The following NDST4 variants were observed in gnomAD, a reference collection of about 807,000 sequenced individuals.
NDST4 encodes the protein N-heparan sulfate sulfotransferase 4.
A neutral mutation model predicts 100.8 loss-of-function variants in NDST4; 63 were observed. That is an observed-to-expected ratio of 0.62 (90% CI 0.51 to 0.77). The LOEUF is 0.77. Among genes scored for constraint, NDST4 ranks in the 30% least tolerant of loss-of-function variants. The pLI is 0.00. For synonymous variants in NDST4, 377 were observed against 361.8 expected (o/e 1.04, Z -0.48); for missense variants, 943 against 1,018.4 (o/e 0.93, Z 1.01).
intron 7 of NDST4, among the ~76,000 whole-genome samples, chr4:114,861,366 G>A (rs1252219770): frequency 6.6e-6 from 1 of 152,176 alleles, no homozygotes. Flanking sequence ...AGCATTATAT[G>A]TTATTTAAAA....
At chr4:114,985,877 T>G (rs1726888870) in intron 2 of NDST4, among the ~76,000 whole-genome samples, 1 of 152,130 alleles carries the variant, frequency 6.6e-6, no homozygotes, top group Admixed American at 6.6e-5. Context: ...ACAGACCAGT[T>G]ATGCCTAAAA....
chr4:115,038,310 T>A (rs529004348), intron 2 of NDST4, among the ~76,000 whole-genome samples: 7 of 152,288 alleles, frequency 4.6e-5, no homozygotes, highest in Admixed American at 1.3e-4. Flanking sequence ...ATTAGATTTG[T>A]TCTTAACTTT....
intron 7 of NDST4, among the ~76,000 whole-genome samples, chr4:114,858,170 C>G (rs1331942384): frequency 6.6e-6 from 1 of 152,172 alleles, no homozygotes; most frequent in Non-Finnish European, 1.5e-5. Flanking sequence ...ACAGCAAATA[C>G]TTTCAAATCT....
At chr4:114,851,250 T>C (rs1723669619) in intron 8 of NDST4, among the ~76,000 whole-genome samples, 1 of 152,206 alleles carries the variant, frequency 6.6e-6, no homozygotes, top group African/African-American at 2.4e-5. Flanking sequence ...ACTGAAGCAA[T>C]AAGAAGAACA....
intron 6 of NDST4, among the ~76,000 whole-genome samples, chr4:114,920,108 A>C (rs1725257290): frequency 6.6e-6 from 1 of 152,198 alleles, no homozygotes; most frequent in African/African-American, 2.4e-5. Context: ...TAAATATTCA[A>C]CAGTCATTAT....
intron 5 of NDST4, among the ~76,000 whole-genome samples, chr4:114,936,217 A>T (rs1245427743): frequency 6.6e-6 from 1 of 152,162 alleles, no homozygotes; most frequent in East Asian, 1.9e-4. Context: ...ATTTGAAATT[A>T]TGTGAGTAAT....
At chr4:115,099,682 T>C (rs1181762273) in intron 1 of NDST4, among the ~76,000 whole-genome samples, 1 of 152,140 alleles carries the variant, frequency 6.6e-6, no homozygotes, top group African/African-American at 2.4e-5. Context: ...GGGGAGGACA[T>C]AGAGCAACAA....
At chr4:114,980,884 T>G (rs1446874578) in intron 2 of NDST4, among the ~76,000 whole-genome samples, 1 of 152,078 alleles carries the variant, frequency 6.6e-6, no homozygotes, top group South Asian at 2.1e-4. Flanking sequence ...TTCCATTAAT[T>G]CAATAGTCTC....
At chr4:114,941,437 G>A (rs1425649390) in intron 4 of NDST4, among the ~76,000 whole-genome samples, 1 of 143,868 alleles carries the variant, frequency 7.0e-6, no homozygotes, top group Non-Finnish European at 1.5e-5. Context: ...CTTTTTTTTT[G>A]TTCTTGGAGA....
At chr4:114,992,216 A>C (rs1727055840) in intron 2 of NDST4, among the ~76,000 whole-genome samples, 1 of 151,498 alleles carries the variant, frequency 6.6e-6, no homozygotes, top group Non-Finnish European at 1.5e-5. Flanking sequence ...AACACATTAC[A>C]TTTATTTATA....
At chr4:115,054,079 G>A (rs895897984) in intron 2 of NDST4, among the ~76,000 whole-genome samples, 26 of 151,608 alleles carry the variant, frequency 1.7e-4, no homozygotes, top group Admixed American at 5.9e-4. Context: ...AAGAAATAAC[G>A]CAGATTATTA....
At chr4:114,950,870 C>A (rs1248782211) in intron 4 of NDST4, among the ~76,000 whole-genome samples, 1 of 90,840 alleles carries the variant, frequency 1.1e-5, no homozygotes, top group Non-Finnish European at 2.5e-5. Context: ...CTCTCAAAAA[C>A]CTAAAATGTC....
At chr4:115,022,091 T>C (rs530159681) in intron 2 of NDST4, among the ~76,000 whole-genome samples, 4 of 145,644 alleles carry the variant, frequency 2.7e-5, no homozygotes, top group South Asian at 2.1e-4. Context: ...ACGTTCCATA[T>C]ATACACGTTC....
At chr4:114,864,372 A>G (rs1299552939) in intron 7 of NDST4, among the ~76,000 whole-genome samples, 1 of 152,252 alleles carries the variant, frequency 6.6e-6, no homozygotes, top group Non-Finnish European at 1.5e-5. Context: ...CTTTTAAAAC[A>G]CATTTTTCCT....
chr4:115,034,278 T>A (rs2126271306), intron 2 of NDST4, among the ~76,000 whole-genome samples: 1 of 152,198 alleles, frequency 6.6e-6, no homozygotes, highest in African/African-American at 2.4e-5. Context: ...CTGTCCCAAG[T>A]GCAGCCCCCA....
chr4:114,895,708 T>C (rs766144220), intron 6 of NDST4, among the ~76,000 whole-genome samples: 1 of 152,124 alleles, frequency 6.6e-6, no homozygotes, highest in Non-Finnish European at 1.5e-5. Flanking sequence ...CCAATATCCC[T>C]GATGAACATT....
At chr4:114,851,103 T>C (rs1459135035) in intron 8 of NDST4, among the ~76,000 whole-genome samples, 1 of 152,180 alleles carries the variant, frequency 6.6e-6, no homozygotes, top group Non-Finnish European at 1.5e-5. Flanking sequence ...TTGTACCTCA[T>C]GCTTCTTGTA....
chr4:114,978,271 T>A (rs530720767), intron 2 of NDST4, among the ~76,000 whole-genome samples: 1 of 152,080 alleles, frequency 6.6e-6, no homozygotes, highest in South Asian at 2.1e-4. Context: ...GAGTCAGAGG[T>A]TAAACAATTT....
chr4:114,994,471 G>C (rs1349144367), intron 2 of NDST4, among the ~76,000 whole-genome samples: 1 of 151,884 alleles, frequency 6.6e-6, no homozygotes, highest in Non-Finnish European at 1.5e-5. Context: ...CTAGAACACA[G>C]AGTGATCAAT....
Sources: allele counts gnomAD v4.1 joint callset (sites outside exome capture counted in the v4.1 genomes callset), GRCh38; gene constraint gnomAD v4.1.1; transcripts MANE v1.5; gene names NCBI Gene and HGNC (gene_info 2026-07-23, HGNC 2026-07-21).